Variants in IRS2 observed in about 807,000 individuals in gnomAD.
IRS2 encodes insulin receptor substrate 2.
IRS2 carries 28 observed loss-of-function variants against 70.9 expected under a neutral mutation model. The ratio of observed to expected loss-of-function variants is 0.39; its 90% CI spans 0.29 to 0.54. The LOEUF (loss-of-function observed/expected upper bound fraction) is 0.54. IRS2 is among the 20% of genes least tolerant of loss of function. The pLI is 0.59. For missense variants in IRS2, 2,081 were observed against 2,024.1 expected, an observed-to-expected ratio of 1.03 and a Z score of -0.54; for synonymous variants, 1,217 against 981.9, an observed-to-expected ratio of 1.24 and a Z score of -4.48.
At chr13:109,768,695 T>C (rs1045709281) in intron 1 of IRS2, among the ~76,000 whole-genome samples, 1 of 151,922 alleles carries the variant, frequency 6.6e-6, no homozygotes, top group Non-Finnish European at 1.5e-5. Context: ...TTTTAGTCTG[T>C]CAGAGGGAAA....
In IRS2 at chr13:109,756,242, G is replaced by C; in HGVS notation, c.*62C>G. The C allele has an allele frequency of 7.2e-7, 1 of 1,385,900 alleles. No homozygotes were observed. Among genetic ancestry groups the C allele is most frequent in the Non-Finnish European group, 1.0e-6 (1 of 971,578 alleles). The allele number at this position is 1,385,900 out of a possible 1,614,324, so 85.9% of individuals were successfully genotyped here. ...CAGCTTCGGGCTGAAACAGTGCTGA[G>C]CGTCTTCTTTTAATGATACTCTCTG... On this transcript the variant is annotated 3_prime_UTR_variant, in exon 2 of 2. Transcript: ENST00000375856.
rs759861660 is a variant in IRS2, at chr13:109,784,422, G to C, written c.1632C>G (p.Thr544=). The C allele has an allele frequency of 3.1e-6, 5 of 1,607,656 alleles. No homozygotes were observed. The highest frequency in any genetic ancestry group is 4.2e-6 in the Non-Finnish European group (5 of 1,177,262). Residue 544 remains threonine, a synonymous_variant, in exon 1 of 2, where the codon ACC becomes ACG. Transcript: ENST00000375856. This position sits in a 1 kb window ranked among gnomAD's most constrained non-coding sequence, Gnocchi z 5.2. Reference sequence around the variant, plus strand: ...CACAGTGGCTCAGGGGCCTGTCCATGGTCATGTACCCGTAGAACTCACCGC... The same window carrying C: ...CACAGTGGCTCAGGGGCCTGTCCATCGTCATGTACCCGTAGAACTCACCGC... ...GGGGEFYGYM[T]MDRPLSHCGR... is the part of the protein sequence containing the mutation.
intron 1 of IRS2, among the ~76,000 whole-genome samples, chr13:109,776,225 T>C (rs1177700705): frequency 6.6e-6 from 1 of 152,090 alleles, no homozygotes; most frequent in Non-Finnish European, 1.5e-5. Flanking sequence ...AAATATATCG[T>C]GGGTCAAAAT....
rs947208788 is a variant in IRS2 at position 109,767,163 on chromosome 13, C to T, written c.4013-10855G>A. Among the ~76,000 whole-genome samples the T allele has an allele frequency of 7.2e-5, 11 of 152,124 alleles. 1 individual carries two copies. Among genetic ancestry groups the T allele is most frequent in the African/African-American group, 2.7e-4 (11 of 41,436 alleles). On this transcript the variant is annotated intron_variant, in intron 1 of 1. Transcript: ENST00000375856. ...GGTCCAGCAGGGTGCCCTGAGTCACCAGCAGTTGGATTCAGAGTGAGGACA... is the reference window on the plus strand; with the variant it reads ...GGTCCAGCAGGGTGCCCTGAGTCACTAGCAGTTGGATTCAGAGTGAGGACA...
Position 109,755,027 on chromosome 13 carries a change from T to C in IRS2, c.*1277A>G, listed in dbSNP as rs1362356465. 2 of 227,258 alleles carry C rather than the reference T, an allele frequency of 8.8e-6. No individual in the cohort carries two copies. Among genetic ancestry groups the C allele is most frequent in the African/African-American group, 4.4e-5 (2 of 45,020 alleles). 14.1% of individuals were successfully genotyped at this position (227,258 alleles called of 1,614,324 possible). The stretch of plus-strand genomic sequence containing the variant: ...ATTCTGCCGGTCAAGTTCAGCAGTT[T>C]TAGGTAACATCTGCGAGAACTGCCA... On this transcript the variant is annotated 3_prime_UTR_variant, in exon 2 of 2. Transcript: ENST00000375856.
rs747959235 is a variant in IRS2 at position 109,784,454 on chromosome 13, C to A, written c.1600G>T (p.Gly534Cys). 2.5e-6 allele frequency: 4 copies of A among 1,584,200 alleles called. No homozygotes were observed. Among genetic ancestry groups the A allele is most frequent in the Non-Finnish European group, 3.4e-6 (4 of 1,161,908 alleles). Residue 534 changes from glycine to cysteine, a missense_variant, in exon 1 of 2, where the codon GGC (glycine) becomes TGC (cysteine). Gly to Cys is a radical substitution (Grantham distance 159). Transcript: ENST00000375856. This position sits in a 1 kb window ranked among gnomAD's most constrained non-coding sequence, Gnocchi z 5.2. ...IAETPPARDG[G>C]GGGEFYGYMT... The stretch of plus-strand genomic sequence containing the variant: ...TACCCGTAGAACTCACCGCCGCCGC[C>A]GCCGTCTCGGGCCGGGGGCGTCTCC...
In IRS2 at chr13:109,784,213, G is replaced by C. The variant is rs567423781; in HGVS notation, c.1841C>G (p.Pro614Arg). 6.4e-7 allele frequency: 1 copy of C among 1,571,018 alleles called. No individual in the cohort carries two copies. Among genetic ancestry groups the C allele is most frequent in the Non-Finnish European group, 8.6e-7 (1 of 1,158,514 alleles). The change falls in exon 1 of 2, where the codon CCG (proline) becomes CGG (arginine). Residue 614 changes from proline (P) to arginine (R), a missense_variant. Physicochemically the swap from Pro to Arg is moderately radical, Grantham distance 103 (BLOSUM62 -2). This residue lies in a region of IRS2 where 1,615 missense variants were observed against 1,459.5 expected (regional missense o/e 1.11). Transcript: ENST00000375856. The surrounding 1 kb of genome is among the most constrained non-coding windows in gnomAD (Gnocchi z 5.2). ...CTTGGGAGAGGACGCGGGGCAGGAC[G>C]GGCAGAGGCGGCCCGCGCTGCCCGA... ...TFSGSAGRLC[P>R]SCPASSPKVA...
Position 109,784,298 on chromosome 13 carries a change from G to C in IRS2, c.1756C>G (p.Pro586Ala), listed in dbSNP as rs2138935441. The change falls in exon 1 of 2, where the codon CCG becomes GCG. Residue 586 changes from proline (P) to alanine (A), a missense_variant. Coordinates refer to ENST00000375856, the MANE Select transcript of IRS2 (RefSeq NM_003749.3). The surrounding 1 kb of genome is among the most constrained non-coding windows in gnomAD (Gnocchi z 5.2). ...YSLTTPARQR[P>A]VPQPSSASLD... ...GAGGCAGAGGAGGGCTGGGGCACCG[G>C]CCGCTGCCGGGCTGGCGTGGTCAGG... 6.3e-7 allele frequency: 1 copy of C among 1,598,978 alleles called. No homozygotes were observed. The highest frequency in any genetic ancestry group is 1.3e-5 in the African/African-American group (1 of 74,822).
At position 109,782,500 on chromosome 13, in the gene IRS2, C is replaced by A. The variant is rs756421911; in HGVS notation, c.3554G>T (p.Ser1185Ile). The A allele has an allele frequency of 1.3e-6, 2 of 1,553,890 alleles. No homozygotes were observed. The highest frequency in any genetic ancestry group is 3.9e-5 in the Admixed American group (2 of 51,474). ...ASVENVSLRK[S>I]SEGGVGVGPG... The stretch of plus-strand genomic sequence containing the variant: ...GCCGACACCCACGCCGCCCTCGCTG[C>A]TTTTCCTGAGAGAGACATTTTCCAC... Residue 1185 changes from serine (S) to isoleucine (I), a missense_variant, in exon 1 of 2, where the codon AGC becomes ATC. By Grantham distance (142) the Ser-to-Ile change is moderately radical (BLOSUM62 -2). Transcript: ENST00000375856.
intron 1 of IRS2, among the ~76,000 whole-genome samples, chr13:109,772,924 T>A (rs1318505133): frequency 6.6e-6 from 1 of 151,874 alleles, no homozygotes; most frequent in African/African-American, 2.4e-5. Flanking sequence ...CTCGATCTCC[T>A]GACCTCATGA....
chr13:109,784,849 G>A lies in IRS2; in HGVS notation c.1205C>T (p.Ser402Leu). The part of the protein sequence containing the change: ...PGPVRAPLSR[S>L]HTLSGGCGGR... ...GCCGCAGCCGCCGCTCAGGGTGTGC[G>A]AGCGGCTCAGGGGCGCGCGCACCGG... Residue 402 changes from serine to leucine, a missense_variant, in exon 1 of 2, where the codon TCG (serine) becomes TTG (leucine). Physicochemically the swap from Ser to Leu is moderately radical, Grantham distance 145. This residue lies in a region of IRS2 where 1,615 missense variants were observed against 1,459.5 expected (regional missense o/e 1.11). Transcript: ENST00000375856. This position sits in a 1 kb window ranked among gnomAD's most constrained non-coding sequence, Gnocchi z 5.2. 1 of 1,228,598 alleles carries A rather than the reference G, an allele frequency of 8.1e-7. No individual in the cohort carries two copies. The allele number at this position is 1,228,598 out of a possible 1,614,324, so 76.1% of individuals were successfully genotyped here.
rs199646214 is a variant in IRS2, at chr13:109,782,859, G to C, written c.3195C>G (p.Asp1065Glu). The C allele has an allele frequency of 1.5e-5, 24 of 1,579,338 alleles. No individual in the cohort carries two copies. The highest frequency in any genetic ancestry group is 3.3e-4 in the Middle Eastern group (2 of 6,010). ...CGGTGTAGTCACCATTGTCCCCGGT[G>C]TCCGAGGACAACGATGAGGCGGCGC... The part of the protein sequence containing the change: ...GPGAASSLSS[D>E]TGDNGDYTEM... The change falls in exon 1 of 2, where the codon GAC becomes GAG. Residue 1065 changes from aspartate to glutamate, a missense_variant. Around this residue, in one of 4 missense-constraint regions of IRS2, gnomAD observed 1,615 missense variants for 1,459.5 expected, o/e 1.11. Transcript: ENST00000375856.
At chr13:109,771,520 A>G (rs1038349129) in intron 1 of IRS2, among the ~76,000 whole-genome samples, 4 of 152,240 alleles carry the variant, frequency 2.6e-5, no homozygotes, top group Non-Finnish European at 5.9e-5. Flanking sequence ...ACTTGACAAC[A>G]TAAGTTATTT....
rs34415737 is a variant in IRS2 at position 109,775,114 on chromosome 13, CTTTTTTTTTT to C, written c.4012+6918_4012+6927del. Among the ~76,000 whole-genome samples, 11 of 115,832 alleles carry C rather than the reference CTTTTTTTTTT, an allele frequency of 9.5e-5. No homozygotes were observed. In the East Asian group the frequency reaches 2.5e-3, roughly 27 times the overall value. The allele number at this position is 115,832 out of a possible 152,430, so 76.0% of individuals were successfully genotyped here. A position where few individuals can be genotyped will look rare whatever the true frequency, so the allele number is the denominator to read the frequency against. On this transcript the variant is annotated intron_variant, in intron 1 of 1. Coordinates refer to ENST00000375856, the MANE Select transcript of IRS2 (RefSeq NM_003749.3). ...AGCATTAATACTATGCAAAATCTTT[CTTTTTTTTTT>C]TTTTTTTTTTGAGACTGAATTTCAC...
In IRS2 at chr13:109,783,579, G is replaced by A. The variant is rs534184733; in HGVS notation, c.2475C>T (p.Leu825=). ...GGATGCGCCCCACGGGGGAGCTCATGAGCACGTACTGGTCGCTGTCCCCGC... is the reference window on the plus strand; with the variant it reads ...GGATGCGCCCCACGGGGGAGCTCATAAGCACGTACTGGTCGCTGTCCCCGC... ...TCGGDSDQYV[L]MSSPVGRILE... is the part of the protein sequence containing the mutation. The change falls in exon 1 of 2, where the codon CTC becomes CTT. Residue 825 remains leucine (L), a synonymous_variant. Coordinates refer to ENST00000375856, the MANE Select transcript of IRS2 (RefSeq NM_003749.3). The A allele has an allele frequency of 1.9e-6, 3 of 1,548,156 alleles. No homozygotes were observed. Among genetic ancestry groups the A allele is most frequent in the South Asian group, 1.2e-5 (1 of 83,976 alleles).
chr13:109,772,719 C>G (rs181210452), intron 1 of IRS2, among the ~76,000 whole-genome samples: 2 of 143,468 alleles, frequency 1.4e-5, no homozygotes, highest in Non-Finnish European at 3.0e-5. Context: ...GACGGAGTCT[C>G]GCTCTGTCGG....
chr13:109,763,290 G>A (rs1300784020), intron 1 of IRS2, among the ~76,000 whole-genome samples: 1 of 152,124 alleles, frequency 6.6e-6, no homozygotes, highest in Non-Finnish European at 1.5e-5. Context: ...GCAAGCTTAC[G>A]TACTTTAGAA....
intron 1 of IRS2, among the ~76,000 whole-genome samples, chr13:109,771,467 C>T (rs1455856924): frequency 6.6e-6 from 1 of 152,162 alleles, no homozygotes; most frequent in East Asian, 1.9e-4. Context: ...CTAAAGCATA[C>T]TCAAATATAC....
At chr13:109,756,446 T>C (rs1054956860) in intron 1 of IRS2, 138 bp from the exon 2 acceptor site, 7 of 744,026 alleles carry the variant, frequency 9.4e-6, no homozygotes, top group Admixed American at 4.2e-5. Context: ...GAAAGAAACA[T>C]GTATTCATTC....
Sources: allele counts gnomAD v4.1 joint callset (sites outside exome capture counted in the v4.1 genomes callset), GRCh38; gene constraint gnomAD v4.1.1; regional missense constraint gnomAD v4.1.1; non-coding constraint Gnocchi (gnomAD v3.1); transcripts MANE v1.5; gene names NCBI Gene and HGNC (gene_info 2026-07-23, HGNC 2026-07-21).